CARS1: variants seen among roughly 807,000 people sequenced by gnomAD.
CARS1 encodes the protein cysteinyl-tRNA synthetase 1.
Under a neutral mutation model 106.2 loss-of-function variants are expected in CARS1, and 48 were observed. That is an observed-to-expected ratio of 0.45 (90% CI 0.36 to 0.57). CARS1 has a LOEUF of 0.57. Ranked by LOEUF, CARS1 falls within the 20% of genes least tolerant of loss-of-function variation. The pLI is 0.00. For synonymous variants in CARS1, 409 were observed against 403.4 expected, an observed-to-expected ratio of 1.01 and a Z score of -0.17; for missense variants, 968 against 1,057.2, an observed-to-expected ratio of 0.92 and a Z score of 1.17.
chr11:3,026,654 C>T (rs757268254), intron 10 of CARS1, 22 bp downstream of exon 10: 87 of 1,611,940 alleles, frequency 5.4e-5, no homozygotes, highest in Non-Finnish European at 7.0e-5. Flanking sequence ...AGCCCACATG[C>T]TCTCAGGCAT....
At position 3,044,622 on chromosome 11, in the gene CARS1, C is replaced by G. The variant is rs768028595; in HGVS notation, c.275-2366G>C. Reference sequence around the variant, plus strand: ...ATATTGGCCAGGCTGGTCTCAAACTCCTGACCTTGTGATCTGCCTGCCTTG... The same window carrying G: ...ATATTGGCCAGGCTGGTCTCAAACTGCTGACCTTGTGATCTGCCTGCCTTG... On this transcript the variant is annotated intron_variant, in intron 2 of 22. Coordinates refer to ENST00000380525, the MANE Select transcript of CARS1 (RefSeq NM_001014437.3). This position sits in a 1 kb window ranked among gnomAD's most constrained non-coding sequence, Gnocchi z 4.4. Among the ~76,000 whole-genome samples, 15 of 152,156 alleles carry G rather than the reference C, an allele frequency of 9.9e-5. No individual in the cohort carries two copies. Among genetic ancestry groups the G allele is most frequent in the Non-Finnish European group, 7.4e-5 (5 of 68,026 alleles).
Position 3,021,756 on chromosome 11 carries a change from G to T in CARS1, c.1154-1424C>A, listed in dbSNP as rs1203339799. On this transcript the variant is annotated intron_variant, in intron 10 of 22. Transcript: ENST00000380525. The surrounding 1 kb of genome is among the most constrained non-coding windows in gnomAD (Gnocchi z 5.3). ...AAAAAACCTCTGCAAGCAAAATCCA[G>T]ATCTATCCACCAACACGGAAGGCCG... Among the ~76,000 whole-genome samples the T allele has an allele frequency of 2.0e-5, 3 of 152,142 alleles. No homozygotes were observed. Among genetic ancestry groups the T allele is most frequent in the African/African-American group, 4.8e-5 (2 of 41,432 alleles).
Position 3,002,021 on chromosome 11 carries a change from G to A in CARS1, c.2310C>T (p.Pro770=), listed in dbSNP as rs1849441206. 6.2e-7 allele frequency: 1 copy of A among 1,613,296 alleles called. No individual in the cohort carries two copies. Among genetic ancestry groups the A allele is most frequent in the Non-Finnish European group, 8.5e-7 (1 of 1,179,416 alleles). The change falls in exon 22 of 23, where the codon CCC becomes CCT. Residue 770 remains proline, a synonymous_variant. Coordinates refer to ENST00000380525, the MANE Select transcript of CARS1 (RefSeq NM_001014437.3). The stretch of plus-strand genomic sequence containing the variant: ...CGGTTTCTGACAAGAACATCTCACT[G>A]GGGGGAATCTTCATCTTGGCCAGCT... ...AAKLAKMKIP[P]SEMFLSETDK... is the part of the protein sequence containing the mutation.
At position 3,004,665 on chromosome 11, in the gene CARS1, T is replaced by G. The variant is rs1375822171; in HGVS notation, c.2217+701A>C. Among the ~76,000 whole-genome samples the G allele has an allele frequency of 2.0e-5, 3 of 152,242 alleles. No individual in the cohort carries two copies. Among genetic ancestry groups the G allele is most frequent in the African/African-American group, 7.2e-5 (3 of 41,468 alleles). On this transcript the variant is annotated intron_variant, in intron 20 of 22. Transcript: ENST00000380525. This position sits in a 1 kb window ranked among gnomAD's most constrained non-coding sequence, Gnocchi z 5.2. ...CATTGCGTTTTTGTTCCTGTTCTTC[T>G]GTCCTATTGGGCACCGAGGAACTTG...
chr11:3,007,077 A>T, intron 18 of CARS1, 118 bp from the exon 19 acceptor site: 2 of 827,060 alleles, frequency 2.4e-6, no homozygotes, highest in Non-Finnish European at 4.0e-6. Flanking sequence ...TGCCTCCTCC[A>T]GTGCTCAGGA....
Position 3,046,437 on chromosome 11 carries a change from C to T in CARS1, c.274+1316G>A, listed in dbSNP as rs187873802. Among the ~76,000 whole-genome samples the T allele has an allele frequency of 9.2e-5, 14 of 152,276 alleles. No homozygotes were observed. The highest frequency in any genetic ancestry group is 1.9e-4 in the East Asian group (1 of 5,164). On this transcript the variant is annotated intron_variant, in intron 2 of 22. Coordinates refer to ENST00000380525, the MANE Select transcript of CARS1 (RefSeq NM_001014437.3). The surrounding 1 kb of genome is among the most constrained non-coding windows in gnomAD (Gnocchi z 5.8). ...ACAGCACAGGTGTCACTTGGGTGACCGCGCTGGAGGCTCAGGCAGGAACGG... is the reference window on the plus strand; with the variant it reads ...ACAGCACAGGTGTCACTTGGGTGACTGCGCTGGAGGCTCAGGCAGGAACGG...
Position 3,021,826 on chromosome 11 carries a change from A to G in CARS1, c.1154-1494T>C, listed in dbSNP as rs540942520. Among the ~76,000 whole-genome samples the G allele has an allele frequency of 2.6e-5, 4 of 152,344 alleles. No individual in the cohort carries two copies. The East Asian group carries it at 7.7e-4, about 29-fold the overall frequency. On this transcript the variant is annotated intron_variant, in intron 10 of 22. Transcript: ENST00000380525. The surrounding 1 kb of genome is among the most constrained non-coding windows in gnomAD (Gnocchi z 5.3). Reference sequence around the variant, plus strand: ...CCTCCGCACTGTTCTGCCACTGACAATTCCGCAAAAGCACAATGTGATATG... The same window carrying G: ...CCTCCGCACTGTTCTGCCACTGACAGTTCCGCAAAAGCACAATGTGATATG...
In CARS1 at chr11:3,015,666, C is replaced by G. The variant is rs960377474; in HGVS notation, c.1986+115G>C. On this transcript the variant is annotated intron_variant, in intron 17 of 22. Transcript: ENST00000380525. ...ATTGCCATTTAGCTCGAGGCGCTGT[C>G]CGGAAGGGTCTGGTGTGGGTGGGCA... The G allele has an allele frequency of 1.7e-5, 15 of 906,412 alleles. No homozygotes were observed. The African/African-American group carries it at 2.4e-4, about 15-fold the overall frequency. The allele number at this position is 906,412 out of a possible 1,614,324, so 56.1% of individuals were successfully genotyped here. A position where few individuals can be genotyped will look rare whatever the true frequency, so the allele number is the denominator to read the frequency against.
In CARS1 at chr11:3,018,320, G is replaced by A. The variant is rs957118220; in HGVS notation, c.1629+88C>T. On this transcript the variant is annotated intron_variant, in intron 14 of 22. Coordinates refer to ENST00000380525, the MANE Select transcript of CARS1 (RefSeq NM_001014437.3). Reference sequence around the variant, plus strand: ...CTGGTCTCCATTAGAGACATCGGGAGGCTGGTGCACCTATCACCACTGCAC... The same window carrying A: ...CTGGTCTCCATTAGAGACATCGGGAAGCTGGTGCACCTATCACCACTGCAC... 49 of 826,878 alleles carry A rather than the reference G, an allele frequency of 5.9e-5. No homozygotes were observed. In the African/African-American group the frequency reaches 7.6e-4, roughly 13 times the overall value. The allele number at this position is 826,878 out of a possible 1,614,324, so 51.2% of individuals were successfully genotyped here. A position where few individuals can be genotyped will look rare whatever the true frequency, so the allele number is the denominator to read the frequency against.
chr11:3,029,513 T>G lies in CARS1; in HGVS notation c.802-70A>C. On this transcript the variant is annotated intron_variant, in intron 7 of 22. Coordinates refer to ENST00000380525, the MANE Select transcript of CARS1 (RefSeq NM_001014437.3). This position sits in a 1 kb window ranked among gnomAD's most constrained non-coding sequence, Gnocchi z 5.9. ...ACATGAGAACATCTCGTGCAGCTGG[T>G]GTGAGCCCATCAGTGCCCTGAATTC... The G allele has an allele frequency of 6.4e-7, 1 of 1,556,558 alleles. No homozygotes were observed. Among genetic ancestry groups the G allele is most frequent in the Non-Finnish European group, 8.7e-7 (1 of 1,143,680 alleles).
At position 3,030,521 on chromosome 11, in the gene CARS1, G is replaced by A. The variant is rs1852620751; in HGVS notation, c.802-1078C>T. On this transcript the variant is annotated intron_variant, in intron 7 of 22. Transcript: ENST00000380525. This position sits in a 1 kb window ranked among gnomAD's most constrained non-coding sequence, Gnocchi z 5.7. Reference sequence around the variant, plus strand: ...CTGCTGCCCGAAAAGCAAACACTGGGCCTGCCCCAAGTACAGGGAAACGCG... The same window carrying A: ...CTGCTGCCCGAAAAGCAAACACTGGACCTGCCCCAAGTACAGGGAAACGCG... 1 of 152,224 alleles carries A rather than the reference G, an allele frequency of 6.6e-6. No homozygotes were observed. Among genetic ancestry groups the A allele is most frequent in the Admixed American group, 6.5e-5 (1 of 15,282 alleles). 9.4% of individuals were successfully genotyped at this position (152,224 alleles called of 1,614,324 possible).
At chr11:3,026,940 G>A (rs1056521064) in intron 9 of CARS1, 143 bp from the exon 10 acceptor site, 123 of 913,932 alleles carry the variant, frequency 1.3e-4, no homozygotes, top group Non-Finnish European at 1.8e-4. Flanking sequence ...ACTGAAAACC[G>A]TATCAGCTGT....
intron 18 of CARS1, chr11:3,007,665 A>C (rs1191270253): frequency 6.6e-6 from 1 of 152,270 alleles, no homozygotes; most frequent in Non-Finnish European, 1.5e-5. Flanking sequence ...GGGTGAAAGG[A>C]GGCATGACAG....
At chr11:3,031,193 T>C (rs920093280) in intron 7 of CARS1, 2 of 152,112 alleles carry the variant, frequency 1.3e-5, no homozygotes, top group Admixed American at 1.3e-4. Flanking sequence ...TACAATGTCT[T>C]TGTGAAATAG....
In CARS1 at chr11:3,050,284, C is replaced by CA. The variant is rs993362252; in HGVS notation, c.26-2284dup. On this transcript the variant is annotated intron_variant, in intron 1 of 22. Coordinates refer to ENST00000380525, the MANE Select transcript of CARS1 (RefSeq NM_001014437.3). The surrounding 1 kb of genome is among the most constrained non-coding windows in gnomAD (Gnocchi z 6.3). ...AACTTGCCCTGCTTCCTTCCCACTG[C>CA]ACGGAGCCACTGTCCCATCTGACCC... is the stretch of plus-strand genomic sequence containing the variant. Among the ~76,000 whole-genome samples the CA allele has an allele frequency of 3.3e-5, 5 of 152,066 alleles. No individual in the cohort carries two copies. Among genetic ancestry groups the CA allele is most frequent in the Non-Finnish European group, 5.9e-5 (4 of 67,996 alleles).
Position 3,046,467 on chromosome 11 carries a change from A to G in CARS1, c.274+1286T>C, listed in dbSNP as rs1855092127. ...TGGAGGCTCAGGCAGGAACGGCTAC[A>G]TGGGGAAGGACGTGACCTGCACAGC... On this transcript the variant is annotated intron_variant, in intron 2 of 22. Transcript: ENST00000380525. The surrounding 1 kb of genome is among the most constrained non-coding windows in gnomAD (Gnocchi z 5.8). 1.3e-5 allele frequency among the ~76,000 whole-genome samples: 2 copies of G among 152,166 alleles called. No individual in the cohort carries two copies. Among genetic ancestry groups the G allele is most frequent in the Non-Finnish European group, 2.9e-5 (2 of 68,016 alleles).
intron 9 of CARS1, chr11:3,027,877 T>C (rs535627715): frequency 2.2e-6 from 1 of 453,124 alleles, no homozygotes; most frequent in East Asian, 7.0e-5. Flanking sequence ...GGAAAGGGAG[T>C]CTCCCTTGCC....
intron 7 of CARS1, among the ~76,000 whole-genome samples, chr11:3,032,510 T>G: frequency 6.6e-6 from 1 of 152,184 alleles, no homozygotes; most frequent in Non-Finnish European, 1.5e-5. Context: ...GGAAATGAAT[T>G]AAATTTTAGG....
At chr11:3,026,960 G>A (rs1852147576) in intron 9 of CARS1, 163 bp from the exon 10 acceptor site, 2 of 761,288 alleles carry the variant, frequency 2.6e-6, no homozygotes, top group Non-Finnish European at 2.0e-6. Flanking sequence ...TTTGGACTGA[G>A]TGGGACACCA....
Sources: allele counts gnomAD v4.1 joint callset (sites outside exome capture counted in the v4.1 genomes callset), GRCh38; gene constraint gnomAD v4.1.1; non-coding constraint Gnocchi (gnomAD v3.1); transcripts MANE v1.5; gene names NCBI Gene and HGNC (gene_info 2026-07-23, HGNC 2026-07-21).